Variants in ADARB2 observed in about 807,000 individuals in gnomAD.
ADARB2 encodes the protein adenosine deaminase RNA specific B2 (inactive), also known as inactive double-stranded RNA-specific editase B2.
Under a neutral mutation model 62.2 loss-of-function variants are expected in ADARB2, and 25 were observed. The ratio of observed to expected loss-of-function variants is 0.40; its 90% CI spans 0.29 to 0.56. The LOEUF (loss-of-function observed/expected upper bound fraction) is 0.56, where lower values mean the gene tolerates loss of function less well. ADARB2 is among the 20% of genes least tolerant of loss of function. The pLI is 0.43. For missense variants in ADARB2, 1,071 were observed against 1,077.4 expected (o/e 0.99, Z 0.08); for synonymous variants, 572 against 500.8 (o/e 1.14, Z -1.90).
Position 1,200,050 on chromosome 10 carries a change from G to A in ADARB2, c.1780C>T (p.His594Tyr), listed in dbSNP as rs1471174215. ...IVVGSLHHTG[H>Y]LARVMSHRME... ...CGGTGGCTCATGACGCGTGCGAGGT[G>A]GCCCGTGTGGTGCAGGCTGCCCACC... The change falls in exon 8 of 10, where the codon CAC becomes TAC. Residue 594 changes from histidine to tyrosine, a missense_variant. His to Tyr is a moderately conservative substitution (Grantham distance 83, BLOSUM62 2). Coordinates refer to ENST00000381312, the MANE Select transcript of ADARB2 (RefSeq NM_018702.4). 6.3e-7 allele frequency: 1 copy of A among 1,594,984 alleles called. No homozygotes were observed. The highest frequency in any genetic ancestry group is 1.7e-5 in the Admixed American group (1 of 58,640).
At chr10:1,510,110 C>CTCCT (rs1831908568) in intron 1 of ADARB2, among the ~76,000 whole-genome samples, 1 of 106,184 alleles carries the variant, frequency 9.4e-6, no homozygotes, top group East Asian at 2.8e-4. Context: ...CTTTCTTTCT[C>CTCCT]TCTTTCTTTC....
chr10:1,217,085 G>A lies in ADARB2; in HGVS notation c.1548C>T (p.Arg516=), dbSNP rs772506968. The A allele has an allele frequency of 2.6e-5, 41 of 1,606,290 alleles. 2 individuals carry two copies. Among genetic ancestry groups the A allele is most frequent in the African/African-American group, 1.9e-4 (14 of 74,962 alleles). ...HSSKHLVRKF[R]GHLRTKIESG... is the part of the protein sequence containing the mutation. ...ACTCGATCTTGGTGCGCAGGTGCCCGCGGAACTTCCTGACGAGGTGTTTGC... is the reference window on the plus strand; with the variant it reads ...ACTCGATCTTGGTGCGCAGGTGCCCACGGAACTTCCTGACGAGGTGTTTGC... The change falls in exon 7 of 10, where the codon CGC becomes CGT. Residue 516 remains arginine, a synonymous_variant. Transcript: ENST00000381312.
At chr10:1,726,092 G>A (rs1230779593) in intron 1 of ADARB2, among the ~76,000 whole-genome samples, 4 of 152,226 alleles carry the variant, frequency 2.6e-5, no homozygotes, top group Non-Finnish European at 4.4e-5. Flanking sequence ...ACTATTACGG[G>A]TAAGGATCTC....
Position 1,320,250 on chromosome 10 carries a change from G to A in ADARB2, c.1077+42778C>T, listed in dbSNP as rs183145804. Among the ~76,000 whole-genome samples the A allele has an allele frequency of 7.0e-4, 107 of 152,328 alleles. 1 individual carries two copies. The highest frequency in any genetic ancestry group is 1.2e-4 in the Non-Finnish European group (8 of 68,028). On this transcript the variant is annotated intron_variant, in intron 3 of 9. Coordinates refer to ENST00000381312, the MANE Select transcript of ADARB2 (RefSeq NM_018702.4). The stretch of plus-strand genomic sequence containing the variant: ...GTCCCATGATGTGCTATGGAGAATG[G>A]AGTGAGTCTCAATAAACATCATTGT...
intron 1 of ADARB2, among the ~76,000 whole-genome samples, chr10:1,510,494 C>T (rs1252597851): frequency 6.6e-6 from 1 of 152,120 alleles, no homozygotes; most frequent in African/African-American, 2.4e-5. Context: ...GAAGTGATTT[C>T]TGGCTGTTGT....
At chr10:1,607,770 T>C (rs1354650321) in intron 1 of ADARB2, among the ~76,000 whole-genome samples, 1 of 152,238 alleles carries the variant, frequency 6.6e-6, no homozygotes, top group Non-Finnish European at 1.5e-5. Context: ...CCAGTGCCTC[T>C]GGACCTGCCT....
chr10:1,283,480 G>A (rs571709525), intron 3 of ADARB2, among the ~76,000 whole-genome samples: 21 of 152,344 alleles, frequency 1.4e-4, no homozygotes, highest in Admixed American at 2.0e-4. Context: ...CATTGGTGGG[G>A]TGTTGTCCAT....
At chr10:1,359,980 T>C (rs909662053) in intron 3 of ADARB2, among the ~76,000 whole-genome samples, 4 of 152,254 alleles carry the variant, frequency 2.6e-5, no homozygotes, top group Non-Finnish European at 5.9e-5. Context: ...TCCGGGATGG[T>C]TCTGAAGCTT....
chr10:1,617,686 G>T (rs957077804), intron 1 of ADARB2, among the ~76,000 whole-genome samples: 2 of 137,036 alleles, frequency 1.5e-5, no homozygotes, highest in Non-Finnish European at 3.2e-5. Flanking sequence ...ACTCCACACC[G>T]CCCTGCTGTG....
At chr10:1,568,808 A>G (rs1832894297) in intron 1 of ADARB2, among the ~76,000 whole-genome samples, 1 of 148,208 alleles carries the variant, frequency 6.7e-6, no homozygotes, top group African/African-American at 2.5e-5. Context: ...ATCTCTATCT[A>G]TCTATCTATC....
At chr10:1,698,688 C>A (rs533831362) in intron 1 of ADARB2, among the ~76,000 whole-genome samples, 5 of 152,146 alleles carry the variant, frequency 3.3e-5, no homozygotes, top group Non-Finnish European at 7.4e-5. Flanking sequence ...GCAGAACATT[C>A]AAAAATAGAC....
chr10:1,641,826 A>G (rs1394938671), intron 1 of ADARB2, among the ~76,000 whole-genome samples: 2 of 152,198 alleles, frequency 1.3e-5, no homozygotes, highest in African/African-American at 4.8e-5. Flanking sequence ...CAGCCTGGCC[A>G]ACACGATGAA....
At chr10:1,658,562 C>G (rs753283042) in intron 1 of ADARB2, among the ~76,000 whole-genome samples, 2 of 152,128 alleles carry the variant, frequency 1.3e-5, no homozygotes, top group Non-Finnish European at 2.9e-5. Flanking sequence ...CTCTGTCTCT[C>G]TATCTCTCTC....
At chr10:1,546,795 G>A (rs1016104428) in intron 1 of ADARB2, among the ~76,000 whole-genome samples, 21 of 152,222 alleles carry the variant, frequency 1.4e-4, no homozygotes, top group African/African-American at 3.6e-4. Flanking sequence ...TAGCCATTCC[G>A]ATGGAAGGCC....
At chr10:1,291,691 G>A (rs535287112) in intron 3 of ADARB2, 9 of 152,320 alleles carry the variant, frequency 5.9e-5, no homozygotes, top group East Asian at 3.9e-4. Flanking sequence ...GGCCCACCTC[G>A]GCCGGGTGAA....
At chr10:1,401,237 C>T (rs551677927) in intron 1 of ADARB2, among the ~76,000 whole-genome samples, 14 of 152,182 alleles carry the variant, frequency 9.2e-5, no homozygotes, top group Non-Finnish European at 1.9e-4. Context: ...TGGGGGACGG[C>T]CCGGTGTGTG....
At chr10:1,623,247 C>T (rs1211538695) in intron 1 of ADARB2, among the ~76,000 whole-genome samples, 1 of 152,132 alleles carries the variant, frequency 6.6e-6, no homozygotes, top group South Asian at 2.1e-4. Context: ...CCATGAAGCC[C>T]ACATTCTCAA....
chr10:1,734,912 A>T (rs890024630), intron 1 of ADARB2, among the ~76,000 whole-genome samples: 3 of 152,256 alleles, frequency 2.0e-5, no homozygotes, highest in Admixed American at 2.0e-4. Flanking sequence ...AAATATCAGC[A>T]TCTGTAATAA....
At chr10:1,611,083 G>C (rs1282347280) in intron 1 of ADARB2, among the ~76,000 whole-genome samples, 1 of 152,162 alleles carries the variant, frequency 6.6e-6, no homozygotes, top group Non-Finnish European at 1.5e-5. Context: ...TCTGCAAGTA[G>C]TCCTAAACCT....
Sources: allele counts gnomAD v4.1 joint callset (sites outside exome capture counted in the v4.1 genomes callset), GRCh38; gene constraint gnomAD v4.1.1; transcripts MANE v1.5; gene names NCBI Gene and HGNC (gene_info 2026-07-23, HGNC 2026-07-21).